NLRC4: variants seen among roughly 807,000 people sequenced by gnomAD.
NLRC4 encodes NLR family CARD domain containing 4.
A neutral mutation model predicts 79.9 loss-of-function variants in NLRC4; 63 were observed. The ratio of observed to expected loss-of-function variants is 0.79; its 90% confidence interval spans 0.64 to 0.97. The LOEUF is 0.97. Ranked by LOEUF, NLRC4 falls within the 50% of genes least tolerant of loss-of-function variation. NLRC4 has a pLI of 0.00. For synonymous variants in NLRC4, 461 were observed against 456.5 expected, an observed-to-expected ratio of 1.01 and a Z score of -0.12; for missense variants, 1,074 against 1,215.2, an observed-to-expected ratio of 0.88 and a Z score of 1.73.
At chr2:32,226,718 TA>T (rs908284835) in intron 8 of NLRC4, among the ~76,000 whole-genome samples, 24 of 152,138 alleles carry the variant, frequency 1.6e-4, no homozygotes, top group African/African-American at 5.3e-4. Flanking sequence ...CCGTCTCTAG[TA>T]AAAATACAGA....
At chr2:32,249,133 T>A (rs1204550363) in intron 4 of NLRC4, among the ~76,000 whole-genome samples, 1 of 152,204 alleles carries the variant, frequency 6.6e-6, no homozygotes, top group Non-Finnish European at 1.5e-5. Context: ...GTACAATCTT[T>A]TGGTTTCCCT....
chr2:32,230,533 G>A (rs747764126), intron 8 of NLRC4, among the ~76,000 whole-genome samples: 4 of 149,890 alleles, frequency 2.7e-5, no homozygotes, highest in South Asian at 2.1e-4. Context: ...GTTCAGTGGC[G>A]CGATCTTGGC....
Position 32,250,592 on chromosome 2 carries a change from A to C in NLRC4, c.1272T>G (p.Thr424=). ...GAGCTGTATATTTACAGAGGAGCCC[A>C]GTTGTCAGCAGGACATCCTCATTCA... ...SSVNEDVLLT[T]GLLCKYTAQR... is the part of the protein sequence containing the mutation. Residue 424 remains threonine, a synonymous_variant, in exon 4 of 9, where the codon ACT becomes ACG. Transcript: ENST00000402280. The surrounding 1 kb of genome is among the most constrained non-coding windows in gnomAD (Gnocchi z 4.9). The C allele has an allele frequency of 6.2e-7, 1 of 1,614,200 alleles. No homozygotes were observed. The highest frequency in any genetic ancestry group is 8.5e-7 in the Non-Finnish European group (1 of 1,180,032).
intron 4 of NLRC4, among the ~76,000 whole-genome samples, chr2:32,247,359 G>A (rs1296328864): frequency 1.3e-5 from 2 of 148,690 alleles, no homozygotes; most frequent in African/African-American, 4.9e-5. Context: ...TTGTTGCCCA[G>A]GCTGGAGTGC....
intron 8 of NLRC4, among the ~76,000 whole-genome samples, chr2:32,232,417 C>T (rs1487433414): frequency 1.3e-5 from 2 of 152,176 alleles, no homozygotes; most frequent in Non-Finnish European, 2.9e-5. Flanking sequence ...AATTTAAGGA[C>T]AATCCAGGCC....
At chr2:32,261,316 C>CCCTTTTTTTTT in intron 1 of NLRC4, among the ~76,000 whole-genome samples, 18 of 96,870 alleles carry the variant, frequency 1.9e-4, no homozygotes, top group Middle Eastern at 5.1e-3. Flanking sequence ...AGCCTCCCCC[C>CCCTTTTTTTTT]TTTTGTTTTT....
At chr2:32,236,150 C>T (rs1573475311) in intron 7 of NLRC4, 97 bp downstream of exon 7, 2 of 696,672 alleles carry the variant, frequency 2.9e-6, no homozygotes, top group East Asian at 2.7e-5. Context: ...TAGTAAGGCA[C>T]ACATGGGTAT....
chr2:32,248,724 C>G (rs1235756944), intron 4 of NLRC4, among the ~76,000 whole-genome samples: 1 of 151,844 alleles, frequency 6.6e-6, no homozygotes, highest in African/African-American at 2.4e-5. Flanking sequence ...TGTGATCGCA[C>G]CACTGCACTC....
intron 4 of NLRC4, among the ~76,000 whole-genome samples, chr2:32,246,483 C>T (rs769025852): frequency 2.0e-5 from 3 of 152,222 alleles, no homozygotes; most frequent in Non-Finnish European, 4.4e-5. Flanking sequence ...TGTAGGGTGA[C>T]AAGCAAGGCA....
intron 8 of NLRC4, among the ~76,000 whole-genome samples, chr2:32,232,870 A>T (rs62134028): frequency 0.08 from 12,157 of 152,178 alleles, 567 homozygotes; most frequent in Middle Eastern, 0.13. Flanking sequence ...TTGCAGGTAG[A>T]ACAATTTTAA....
intron 8 of NLRC4, among the ~76,000 whole-genome samples, chr2:32,233,490 C>A (rs1469590906): frequency 6.6e-6 from 1 of 151,400 alleles, no homozygotes; most frequent in Non-Finnish European, 1.5e-5. Flanking sequence ...CCACACCCAG[C>A]CTATTTCAAG....
At chr2:32,247,452 C>T (rs1383306009) in intron 4 of NLRC4, among the ~76,000 whole-genome samples, 1 of 150,862 alleles carries the variant, frequency 6.6e-6, no homozygotes, top group Non-Finnish European at 1.5e-5. Flanking sequence ...GTAGCTGGGA[C>T]TACAGGCATG....
At chr2:32,232,497 G>A (rs1012175055) in intron 8 of NLRC4, among the ~76,000 whole-genome samples, 3 of 152,240 alleles carry the variant, frequency 2.0e-5, no homozygotes, top group African/African-American at 7.2e-5. Context: ...CACATCTCAT[G>A]TTCTGCCTGC....
chr2:32,238,664 C>CGG (rs11421087), intron 5 of NLRC4, among the ~76,000 whole-genome samples: 241 of 151,618 alleles, frequency 1.6e-3, no homozygotes, highest in African/African-American at 3.1e-3. Flanking sequence ...TCTTAAACAG[C>CGG]GGGGGGGCTG....
chr2:32,261,349 G>C (rs1437380568), intron 1 of NLRC4, among the ~76,000 whole-genome samples: 1 of 38,152 alleles, frequency 2.6e-5, no homozygotes, highest in Non-Finnish European at 5.8e-5. Context: ...GCCTCGCTCT[G>C]TAGCCAGGCT....
At chr2:32,247,439 C>T (rs890109643) in intron 4 of NLRC4, among the ~76,000 whole-genome samples, 7 of 151,050 alleles carry the variant, frequency 4.6e-5, no homozygotes, top group African/African-American at 1.2e-4. Context: ...CTCAGCCTCC[C>T]GAGTAGCTGG....
intron 5 of NLRC4, 87 bp from the exon 6 acceptor site, chr2:32,238,389 T>C: frequency 3.4e-6 from 4 of 1,169,148 alleles, no homozygotes; most frequent in Non-Finnish European, 4.9e-6. Flanking sequence ...AAGCAAAGAA[T>C]AATTGTGCAG....
chr2:32,262,008 G>A (rs1687363444), intron 1 of NLRC4, among the ~76,000 whole-genome samples: 1 of 152,102 alleles, frequency 6.6e-6, no homozygotes, highest in Non-Finnish European at 1.5e-5. Flanking sequence ...TTGAACCAGG[G>A]AGGCGGAGGT....
chr2:32,250,920 T>C lies in NLRC4; in HGVS notation c.944A>G (p.Lys315Arg), dbSNP rs768275257. Residue 315 changes from lysine (K) to arginine (R), a missense_variant, in exon 4 of 9, where the codon AAG (lysine) becomes AGG (arginine). Coordinates refer to ENST00000402280, the MANE Select transcript of NLRC4 (RefSeq NM_001199138.2). This position sits in a 1 kb window ranked among gnomAD's most constrained non-coding sequence, Gnocchi z 4.9. ...GAGCAACAAGCCTTCAGCAAGCTCCTTGATCAGCACTTCTCGGATGAGAGC... is the reference window on the plus strand; with the variant it reads ...GAGCAACAAGCCTTCAGCAAGCTCCCTGATCAGCACTTCTCGGATGAGAGC... ...AQALIREVLI[K>R]ELAEGLLLQI... 3 of 1,614,136 alleles carry C rather than the reference T, an allele frequency of 1.9e-6. No homozygotes were observed. Among genetic ancestry groups the C allele is most frequent in the South Asian group, 1.1e-5 (1 of 91,058 alleles).
Sources: gnomAD v4.1 joint callset for allele counts (sites outside exome capture counted in the v4.1 genomes callset) on GRCh38, gnomAD v4.1.1 for gene constraint, Gnocchi (gnomAD v3.1) non-coding constraint, MANE v1.5 for transcripts, NCBI Gene and HGNC (gene_info 2026-07-23, HGNC 2026-07-21) for gene names.